SV2B: variants seen among roughly 807,000 people sequenced by gnomAD.
SV2B encodes synaptic vesicle glycoprotein 2B.
SV2B carries 41 observed loss-of-function variants against 73.9 expected under a neutral mutation model. That is an observed-to-expected ratio of 0.56 (90% confidence interval 0.43 to 0.72). The LOEUF (loss-of-function observed/expected upper bound fraction) is 0.72, where lower values mean the gene tolerates loss of function less well. SV2B is among the 30% of genes least tolerant of loss of function. The pLI is 0.00. For synonymous variants in SV2B, 314 were observed against 314.2 expected (o/e 1.00, Z 0.01); for missense variants, 764 against 857.8 (o/e 0.89, Z 1.37).
In SV2B at chr15:91,290,835, AC is replaced by A. The variant is rs201604611; in HGVS notation, c.1868+1159del. Reference sequence around the variant, plus strand: ...AGATCAGCCTGGGCAATACAGTGAGACCCCTATCTCTACAGAATATATTAGA... The same window carrying A: ...AGATCAGCCTGGGCAATACAGTGAGACCCTATCTCTACAGAATATATTAGA... On this transcript the variant is annotated intron_variant, in intron 12 of 12. Coordinates refer to ENST00000394232, the MANE Select transcript of SV2B (RefSeq NM_001323032.3). This position sits in a 1 kb window ranked among gnomAD's most constrained non-coding sequence, Gnocchi z 4.7. Among the ~76,000 whole-genome samples, 375 of 152,010 alleles carry A rather than the reference AC, an allele frequency of 2.5e-3. 2 individuals are homozygous for A. Among genetic ancestry groups the A allele is most frequent in the African/African-American group, 8.0e-3 (332 of 41,466 alleles).
At position 91,289,621 on chromosome 15, in the gene SV2B, C is replaced by A. The variant is rs761030916; in HGVS notation, c.1809C>A (p.Ser603Arg). 3 of 1,614,184 alleles carry A rather than the reference C, an allele frequency of 1.9e-6. No homozygotes were observed. Among genetic ancestry groups the A allele is most frequent in the Non-Finnish European group, 2.5e-6 (3 of 1,180,036 alleles). ...GGCAGTGCCTGTTCTGTGGGACAAG[C>A]ATTGCAGCCTGGAATGCTCTGGATG... ...IGWQCLFCGT[S>R]IAAWNALDVI... Residue 603 changes from serine (S) to arginine (R), a missense_variant, in exon 12 of 13, where the codon AGC becomes AGA. Coordinates refer to ENST00000394232, the MANE Select transcript of SV2B (RefSeq NM_001323032.3). This position sits in a 1 kb window ranked among gnomAD's most constrained non-coding sequence, Gnocchi z 4.9.
At chr15:91,120,426 A>G (rs73503167) in intron 1 of SV2B, among the ~76,000 whole-genome samples, 2,556 of 152,240 alleles carry the variant, frequency 0.017, 63 homozygotes, top group African/African-American at 0.052. Flanking sequence ...CTCTCCCCCA[A>G]TATTTGGGAA....
Position 91,105,665 on chromosome 15 carries a change from T to C in SV2B, c.-392+5302T>C, listed in dbSNP as rs1596405511. ...CAAGGATCCCTTGAGCTTTAGAGCT[T>C]AGTGTAGACTCTTGGAGGATAAGGG... On this transcript the variant is annotated intron_variant, in intron 1 of 12. Coordinates refer to ENST00000394232, the MANE Select transcript of SV2B (RefSeq NM_001323032.3). The surrounding 1 kb of genome is among the most constrained non-coding windows in gnomAD (Gnocchi z 5.5). Among the ~76,000 whole-genome samples, 1 of 152,318 alleles carries C rather than the reference T, an allele frequency of 6.6e-6. No individual in the cohort carries two copies. Among genetic ancestry groups the C allele is most frequent in the East Asian group, 1.9e-4 (1 of 5,192 alleles).
chr15:91,164,083 GTAT>G (rs2043824071), intron 1 of SV2B, among the ~76,000 whole-genome samples: 1 of 152,094 alleles, frequency 6.6e-6, no homozygotes, highest in Admixed American at 6.6e-5. Context: ...TAGATGTGTG[GTAT>G]TATTTCTGAG....
At chr15:91,134,636 T>C (rs1468605631) in intron 1 of SV2B, among the ~76,000 whole-genome samples, 1 of 152,224 alleles carries the variant, frequency 6.6e-6, no homozygotes, top group African/African-American at 2.4e-5. Flanking sequence ...TTGCTTAACA[T>C]TTAAGAACCT....
chr15:91,174,949 G>C (rs751820243), intron 1 of SV2B, among the ~76,000 whole-genome samples: 3 of 152,162 alleles, frequency 2.0e-5, no homozygotes, highest in Admixed American at 1.3e-4. Context: ...GAGATGCCAA[G>C]GGGAGATGGA....
rs536618122 is a variant in SV2B at position 91,118,972 on chromosome 15, G to A, written c.-392+18609G>A. The stretch of plus-strand genomic sequence containing the variant: ...GGAGGCAGGGCCTGTGGGGGTGGGC[G>A]TGCTGGCTGATCCGCTTGGGGCTCC... On this transcript the variant is annotated intron_variant, in intron 1 of 12. Coordinates refer to ENST00000394232, the MANE Select transcript of SV2B (RefSeq NM_001323032.3). This position sits in a 1 kb window ranked among gnomAD's most constrained non-coding sequence, Gnocchi z 4.7. Among the ~76,000 whole-genome samples, 4 of 152,264 alleles carry A rather than the reference G, an allele frequency of 2.6e-5. No individual in the cohort carries two copies. Among genetic ancestry groups the A allele is most frequent in the African/African-American group, 7.2e-5 (3 of 41,554 alleles).
At chr15:91,180,164 G>A (rs1364085183) in intron 1 of SV2B, among the ~76,000 whole-genome samples, 2 of 151,964 alleles carry the variant, frequency 1.3e-5, no homozygotes, top group East Asian at 1.9e-4. Flanking sequence ...GCTTAGTTTG[G>A]CTGGATATGA....
intron 1 of SV2B, among the ~76,000 whole-genome samples, chr15:91,181,050 G>T (rs1367245206): frequency 6.6e-6 from 1 of 152,088 alleles, no homozygotes; most frequent in Non-Finnish European, 1.5e-5. Context: ...TTTGATGATG[G>T]TGATGTACAG....
chr15:91,240,961 A>G lies in SV2B; in HGVS notation c.452-10858A>G, dbSNP rs2046987870. ...CTCTCTCCTCACTAAAAGATCTCAT[A>G]TTCGAATCTCTTGTCATCAGAGAGC... is the stretch of plus-strand genomic sequence containing the variant. On this transcript the variant is annotated intron_variant, in intron 2 of 12. Transcript: ENST00000394232. This position sits in a 1 kb window ranked among gnomAD's most constrained non-coding sequence, Gnocchi z 4.6. Among the ~76,000 whole-genome samples the G allele has an allele frequency of 6.6e-6, 1 of 152,094 alleles. No homozygotes were observed. The highest frequency in any genetic ancestry group is 1.5e-5 in the Non-Finnish European group (1 of 68,008).
At chr15:91,117,961 T>A (rs1317806001) in intron 1 of SV2B, among the ~76,000 whole-genome samples, 1 of 152,162 alleles carries the variant, frequency 6.6e-6, no homozygotes, top group Non-Finnish European at 1.5e-5. Flanking sequence ...CTCTATTTGT[T>A]AAATAACTGG....
intron 9 of SV2B, among the ~76,000 whole-genome samples, chr15:91,273,816 A>G (rs192770478): frequency 2.0e-4 from 30 of 152,336 alleles, no homozygotes; most frequent in Admixed American, 1.4e-3. Flanking sequence ...CCCTCGCCGG[A>G]GGTCATGATC....
At chr15:91,125,362 G>A (rs1015476755) in intron 1 of SV2B, among the ~76,000 whole-genome samples, 3 of 152,072 alleles carry the variant, frequency 2.0e-5, no homozygotes, top group South Asian at 2.1e-4. Context: ...CACTCATGAC[G>A]TCACATGTTT....
At position 91,234,863 on chromosome 15, in the gene SV2B, T is replaced by A. The variant is rs1336728655; in HGVS notation, c.451+8149T>A. On this transcript the variant is annotated intron_variant, in intron 2 of 12. Transcript: ENST00000394232. This position sits in a 1 kb window ranked among gnomAD's most constrained non-coding sequence, Gnocchi z 5.6. ...TTGGGGAAAGGAAAATAGTCAGACC[T>A]TTTGAAGATACTTGCTCTGAACTGA... Among the ~76,000 whole-genome samples the A allele has an allele frequency of 1.3e-5, 2 of 152,202 alleles. No homozygotes were observed. Among genetic ancestry groups the A allele is most frequent in the Non-Finnish European group, 2.9e-5 (2 of 68,024 alleles).
intron 1 of SV2B, among the ~76,000 whole-genome samples, chr15:91,210,014 C>G (rs2045796812): frequency 6.6e-6 from 1 of 151,892 alleles, no homozygotes; most frequent in Non-Finnish European, 1.5e-5. Context: ...TGGAGGGGGA[C>G]TAATTATAGA....
intron 1 of SV2B, among the ~76,000 whole-genome samples, chr15:91,189,342 T>G (rs1289220878): frequency 6.6e-6 from 1 of 152,192 alleles, no homozygotes; most frequent in Admixed American, 6.5e-5. Context: ...AGTCCACTTA[T>G]GTATACTCAT....
At chr15:91,286,672 C>T (rs904924602) in intron 11 of SV2B, among the ~76,000 whole-genome samples, 7 of 152,078 alleles carry the variant, frequency 4.6e-5, no homozygotes, top group African/African-American at 1.4e-4. Flanking sequence ...AATATTAACA[C>T]ATGGAACCCT....
chr15:91,204,109 G>A lies in SV2B; in HGVS notation c.-391-21764G>A, dbSNP rs1244697610. ...CAAACTGCTAGTGGGCTGGGGATGG[G>A]AGGCTTCCAACTGCAGTTTACCCTG... On this transcript the variant is annotated intron_variant, in intron 1 of 12. Coordinates refer to ENST00000394232, the MANE Select transcript of SV2B (RefSeq NM_001323032.3). 2.0e-5 allele frequency among the ~76,000 whole-genome samples: 3 copies of A among 152,170 alleles called. No homozygotes were observed. In the East Asian group the frequency reaches 5.8e-4, roughly 29 times the overall value.
At chr15:91,228,401 C>T (rs2046454281) in intron 2 of SV2B, among the ~76,000 whole-genome samples, 1 of 151,946 alleles carries the variant, frequency 6.6e-6, no homozygotes, top group African/African-American at 2.4e-5. Context: ...AACCAAGCAA[C>T]CAACAAACAA....
Sources: gnomAD v4.1 joint callset for allele counts (sites outside exome capture counted in the v4.1 genomes callset) on GRCh38, gnomAD v4.1.1 for gene constraint, Gnocchi (gnomAD v3.1) non-coding constraint, MANE v1.5 for transcripts, NCBI Gene and HGNC (gene_info 2026-07-23, HGNC 2026-07-21) for gene names.